Variants in FOXK2 observed in about 807,000 individuals in gnomAD.
FOXK2 encodes the protein forkhead box protein K2.
Under a neutral mutation model 53.3 loss-of-function variants are expected in FOXK2, and 24 were observed. The ratio of observed to expected loss-of-function variants is 0.45; its 90% CI spans 0.33 to 0.63. The LOEUF (loss-of-function observed/expected upper bound fraction) is 0.63, where lower values mean the gene tolerates loss of function less well. Among genes scored for constraint, FOXK2 ranks in the 30% least tolerant of loss-of-function variants. The probability of loss-of-function intolerance (pLI) is 0.03; values close to 1 mark genes in which losing one functional copy is unlikely to be tolerated. For synonymous variants in FOXK2, 505 were observed against 407.1 expected (o/e 1.24, Z -2.89); for missense variants, 952 against 910.5 (o/e 1.05, Z -0.59).
At chr17:82,586,675 T>G (rs1442825982) in intron 7 of FOXK2, among the ~76,000 whole-genome samples, 1 of 151,896 alleles carries the variant, frequency 6.6e-6, no homozygotes, top group East Asian at 1.9e-4. Context: ...GCTGAGACGG[T>G]CGGATCACCT....
chr17:82,555,331 C>T (rs73369902), intron 1 of FOXK2, among the ~76,000 whole-genome samples: 1,933 of 152,238 alleles, frequency 0.013, 32 homozygotes, highest in African/African-American at 0.044. Context: ...ATCTAACCCC[C>T]GGCATCTGGT....
At chr17:82,568,420 C>G (rs1040208352) in intron 3 of FOXK2, among the ~76,000 whole-genome samples, 1 of 152,226 alleles carries the variant, frequency 6.6e-6, no homozygotes, top group African/African-American at 2.4e-5. Context: ...CTTAGGGTCT[C>G]CCTAATAGCT....
In FOXK2 at chr17:82,601,633, C is replaced by G; in HGVS notation, c.*134C>G. The G allele has an allele frequency of 1.2e-6, 1 of 812,676 alleles. No homozygotes were observed. Among genetic ancestry groups the G allele is most frequent in the East Asian group, 2.7e-5 (1 of 37,040 alleles). 50.3% of individuals were successfully genotyped at this position (812,676 alleles called of 1,614,324 possible). ...TCAGCACTGAAAACCCAAAACCCAG[C>G]TGGCCTTAACACTCCTTAAAGACAG... On this transcript the variant is annotated 3_prime_UTR_variant, in exon 9 of 9. Coordinates refer to ENST00000335255, the MANE Select transcript of FOXK2 (RefSeq NM_004514.4).
chr17:82,554,208 G>C (rs2044702458), intron 1 of FOXK2, among the ~76,000 whole-genome samples: 1 of 152,168 alleles, frequency 6.6e-6, no homozygotes, highest in African/African-American at 2.4e-5. Context: ...TTTGCATAAA[G>C]AGACATCACT....
At position 82,602,132 on chromosome 17, in the gene FOXK2, C is replaced by T. The variant is rs2045393568; in HGVS notation, c.*633C>T. Reference sequence around the variant, plus strand: ...AGACGAAGCTACTCTGGCATCTGCACATTTCCGTGTTACAGCAGCTGCCTG... The same window carrying T: ...AGACGAAGCTACTCTGGCATCTGCATATTTCCGTGTTACAGCAGCTGCCTG... On this transcript the variant is annotated 3_prime_UTR_variant, in exon 9 of 9. Coordinates refer to ENST00000335255, the MANE Select transcript of FOXK2 (RefSeq NM_004514.4). 1 of 152,274 alleles carries T rather than the reference C, an allele frequency of 6.6e-6. No individual in the cohort carries two copies. The highest frequency in any genetic ancestry group is 6.5e-5 in the Admixed American group (1 of 15,284). 9.4% of individuals were successfully genotyped at this position (152,274 alleles called of 1,614,324 possible).
At chr17:82,529,652 C>T (rs2044454139) in intron 1 of FOXK2, among the ~76,000 whole-genome samples, 1 of 152,164 alleles carries the variant, frequency 6.6e-6, no homozygotes, top group African/African-American at 2.4e-5. Flanking sequence ...TCCCAAAGTG[C>T]TGGGATTACA....
chr17:82,571,443 C>A (rs936065845), intron 3 of FOXK2, among the ~76,000 whole-genome samples: 1 of 151,826 alleles, frequency 6.6e-6, no homozygotes, highest in Non-Finnish European at 1.5e-5. Context: ...TCTACTAAAA[C>A]CACAAAAATT....
intron 8 of FOXK2, among the ~76,000 whole-genome samples, chr17:82,588,988 G>T (rs2045226960): frequency 6.6e-6 from 1 of 151,746 alleles, no homozygotes; most frequent in Non-Finnish European, 1.5e-5. Context: ...GAACCCGAGT[G>T]TGGAGGTTCC....
At position 82,519,997 on chromosome 17, in the gene FOXK2, G is replaced by T; in HGVS notation, c.109G>T (p.Val37Leu). 1 of 1,438,048 alleles carries T rather than the reference G, an allele frequency of 7.0e-7. No individual in the cohort carries two copies. The highest frequency in any genetic ancestry group is 9.2e-7 in the Non-Finnish European group (1 of 1,089,130). 89.1% of individuals were successfully genotyped at this position (1,438,048 alleles called of 1,614,324 possible). A position where few individuals can be genotyped will look rare whatever the true frequency, so the allele number is the denominator to read the frequency against. The change falls in exon 1 of 9, where the codon GTG becomes TTG. Residue 37 changes from valine to leucine, a missense_variant. Transcript: ENST00000335255. ...GGGSPPGGWA[V>L]ARLEGREFEY... ...CGGGTCCCCGCCGGGCGGCTGGGCC[G>T]TGGCGCGCCTGGAGGGCCGCGAGTT...
At chr17:82,570,032 C>T (rs1187111292) in intron 3 of FOXK2, among the ~76,000 whole-genome samples, 2 of 150,556 alleles carry the variant, frequency 1.3e-5, no homozygotes, top group East Asian at 2.0e-4. Context: ...ACCATCCTGG[C>T]TAACACGGTG....
Position 82,585,316 on chromosome 17 carries a change from CTT to C in FOXK2, c.1280-576_1280-575del, listed in dbSNP as rs35793389. 801 of 147,336 alleles carry C rather than the reference CTT, an allele frequency of 5.4e-3. 9 individuals are homozygous for C. The highest frequency in any genetic ancestry group is 0.021 in the Middle Eastern group (6 of 286). The allele number at this position is 147,336 out of a possible 1,614,324, so 9.1% of individuals were successfully genotyped here. On this transcript the variant is annotated intron_variant, in intron 6 of 8. Coordinates refer to ENST00000335255, the MANE Select transcript of FOXK2 (RefSeq NM_004514.4). Reference sequence around the variant, plus strand: ...TTCTGGCCTACAGGGGCAGTTTCTTCTTTTTTTTTTTTTGTTCGTTTGTCTTG... The same window carrying C: ...TTCTGGCCTACAGGGGCAGTTTCTTCTTTTTTTTTTTGTTCGTTTGTCTTG...
intron 8 of FOXK2, chr17:82,599,099 T>TC (rs2045351709): frequency 1.2e-5 from 1 of 85,594 alleles, no homozygotes; most frequent in Non-Finnish European, 2.4e-5. Context: ...AGCAGCTTCT[T>TC]TTTTTTTTTT....
chr17:82,585,517 C>G (rs940780857), intron 6 of FOXK2, among the ~76,000 whole-genome samples: 23 of 152,252 alleles, frequency 1.5e-4, no homozygotes, highest in African/African-American at 5.3e-4. Flanking sequence ...CAGGGTCTCC[C>G]TATGCCCAGG....
chr17:82,527,998 A>G (rs920120139), intron 1 of FOXK2, among the ~76,000 whole-genome samples: 10 of 151,896 alleles, frequency 6.6e-5, no homozygotes, highest in African/African-American at 1.2e-4. Context: ...GGGTCTCGCT[A>G]TGTTGCCCAG....
intron 1 of FOXK2, among the ~76,000 whole-genome samples, chr17:82,555,373 T>A (rs2144099919): frequency 6.6e-6 from 1 of 152,314 alleles, no homozygotes; most frequent in African/African-American, 2.4e-5. Flanking sequence ...TTGTAATATT[T>A]TGCGGCTCTT....
At chr17:82,541,556 C>G (rs1018376854) in intron 1 of FOXK2, among the ~76,000 whole-genome samples, 2 of 152,030 alleles carry the variant, frequency 1.3e-5, no homozygotes, top group African/African-American at 4.8e-5. Flanking sequence ...AGTCACCACG[C>G]CTGGCCAAAT....
At chr17:82,590,674 T>C (rs2045244396) in intron 8 of FOXK2, among the ~76,000 whole-genome samples, 1 of 152,188 alleles carries the variant, frequency 6.6e-6, no homozygotes, top group Admixed American at 6.5e-5. Context: ...AATATTGCAG[T>C]AGAGCTGCCA....
chr17:82,537,465 C>T (rs1331315292), intron 1 of FOXK2, among the ~76,000 whole-genome samples: 1 of 149,052 alleles, frequency 6.7e-6, no homozygotes, highest in Non-Finnish European at 1.5e-5. Context: ...GGCCAGCATA[C>T]AAAAAATTAA....
chr17:82,543,060 A>G (rs1271144599), intron 1 of FOXK2, among the ~76,000 whole-genome samples: 2 of 152,176 alleles, frequency 1.3e-5, no homozygotes, highest in Non-Finnish European at 2.9e-5. Flanking sequence ...AAAGTAGAAT[A>G]AGTTAAACTT....
Sources: allele counts gnomAD v4.1 joint callset (sites outside exome capture counted in the v4.1 genomes callset), GRCh38; gene constraint gnomAD v4.1.1; transcripts MANE v1.5; gene names NCBI Gene and HGNC (gene_info 2026-07-23, HGNC 2026-07-21).